RBFOX1: variants seen among roughly 807,000 people sequenced by gnomAD.
The protein encoded by RBFOX1 is RNA binding protein fox-1 homolog 1.
RBFOX1 carries 8 observed loss-of-function variants against 57.7 expected under a neutral mutation model. That is an observed-to-expected ratio of 0.14 (90% CI 0.08 to 0.25). The LOEUF (loss-of-function observed/expected upper bound fraction) is 0.25. Among genes scored for constraint, RBFOX1 ranks in the 10% least tolerant of loss-of-function variants. RBFOX1 has a pLI of 1.00. For synonymous variants in RBFOX1, 326 were observed against 222.4 expected, an observed-to-expected ratio of 1.47 and a Z score of -4.15; for missense variants, 611 against 548.5, an observed-to-expected ratio of 1.11 and a Z score of -1.14.
intron 3 of RBFOX1, among the ~76,000 whole-genome samples, chr16:6,887,826 C>G (rs750705152): frequency 1.3e-5 from 2 of 152,022 alleles, no homozygotes; most frequent in African/African-American, 2.4e-5. Flanking sequence ...CCACACCTGG[C>G]TAATTTTTAT....
chr16:6,336,235 G>C (rs1207073532), intron 2 of RBFOX1, among the ~76,000 whole-genome samples: 5 of 103,550 alleles, frequency 4.8e-5, no homozygotes, highest in African/African-American at 1.8e-4. Context: ...GTCTCGCTCT[G>C]TCGCCCAGGC....
intron 2 of RBFOX1, among the ~76,000 whole-genome samples, chr16:6,527,981 C>G (rs1203311217): frequency 6.6e-6 from 1 of 152,178 alleles, no homozygotes; most frequent in Non-Finnish European, 1.5e-5. Context: ...ATTCATGTTT[C>G]ATGCTCTCCT....
chr16:7,051,791 G>T (rs1468553450), intron 3 of RBFOX1, among the ~76,000 whole-genome samples: 1 of 152,086 alleles, frequency 6.6e-6, no homozygotes, highest in African/African-American at 2.4e-5. Context: ...CTCATCCCAG[G>T]CAGATGCTGC....
chr16:5,529,827 C>G (rs1473327922), intron 2 of RBFOX1, among the ~76,000 whole-genome samples: 1 of 152,110 alleles, frequency 6.6e-6, no homozygotes, highest in Non-Finnish European at 1.5e-5. Context: ...CTCAGATTCC[C>G]AAAGTGCTGG....
chr16:6,500,529 A>G (rs988736225), intron 2 of RBFOX1, among the ~76,000 whole-genome samples: 1 of 152,214 alleles, frequency 6.6e-6, no homozygotes, highest in Non-Finnish European at 1.5e-5. Flanking sequence ...TGATTAAGTC[A>G]TCTCAGGAAT....
chr16:7,067,455 T>G (rs2056341553), intron 4 of RBFOX1, among the ~76,000 whole-genome samples: 1 of 152,060 alleles, frequency 6.6e-6, no homozygotes, highest in Non-Finnish European at 1.5e-5. Flanking sequence ...CCTTTTTTTT[T>G]TTTTTATCAT....
chr16:6,575,173 G>C lies in RBFOX1; in HGVS notation c.-63-79430G>C, dbSNP rs571672107. Among the ~76,000 whole-genome samples, 85 of 152,148 alleles carry C rather than the reference G, an allele frequency of 5.6e-4. 1 individual carries two copies. Among genetic ancestry groups the C allele is most frequent in the Middle Eastern group, 6.8e-3 (2 of 294 alleles). On this transcript the variant is annotated intron_variant, in intron 2 of 15. Transcript: ENST00000550418. ...TGTTTGAAATCTGCCTTTAGAAAAA[G>C]ACACGGCCTCATTTTATGCCTGTGA...
Position 6,886,006 on chromosome 16 carries a change from T to C in RBFOX1, c.-15-166051T>C, listed in dbSNP as rs117987264. ...ATGGACTTGAGAAAAGTGAAAGTTA[T>C]TAACGAGATTTCATGCATCAAGGAT... On this transcript the variant is annotated intron_variant, in intron 3 of 15. Coordinates refer to ENST00000550418, the MANE Select transcript of RBFOX1 (RefSeq NM_018723.4). 6.5e-3 allele frequency among the ~76,000 whole-genome samples: 993 copies of C among 152,248 alleles called. 24 individuals carry two copies. In the East Asian group the frequency reaches 0.066, roughly 10 times the overall value.
chr16:7,570,016 A>G (rs72774923), intron 5 of RBFOX1, among the ~76,000 whole-genome samples: 1 of 152,306 alleles, frequency 6.6e-6, no homozygotes, highest in Non-Finnish European at 1.5e-5. Flanking sequence ...TCCAATGACA[A>G]TTCAGTTTCC....
At position 7,368,779 on chromosome 16, in the gene RBFOX1, CAAA is replaced by C. The variant is rs5815399; in HGVS notation, c.28-149353_28-149351del. ...TGGGTGACAGAGCGAGACTCTGTCT[CAAA>C]AAAAAAAAAAAAAATAAAAATAATT... On this transcript the variant is annotated intron_variant, in intron 4 of 15. Transcript: ENST00000550418. 2.3e-3 allele frequency among the ~76,000 whole-genome samples: 290 copies of C among 127,262 alleles called. 1 individual carries two copies. The highest frequency in any genetic ancestry group is 3.9e-3 in the Middle Eastern group (1 of 256). The allele number at this position is 127,262 out of a possible 152,430, so 83.5% of individuals were successfully genotyped here.
At chr16:6,889,335 G>A (rs1277539017) in intron 3 of RBFOX1, among the ~76,000 whole-genome samples, 2 of 152,134 alleles carry the variant, frequency 1.3e-5, no homozygotes, top group Non-Finnish European at 2.9e-5. Context: ...GAAAATTTAC[G>A]AGTATGCATG....
At chr16:7,602,431 C>T (rs898567706) in intron 9 of RBFOX1, among the ~76,000 whole-genome samples, 7 of 152,156 alleles carry the variant, frequency 4.6e-5, no homozygotes, top group African/African-American at 1.7e-4. Flanking sequence ...CAGCCATTCT[C>T]CTTTTGTTGT....
chr16:6,194,229 T>C (rs1052290644), intron 1 of RBFOX1, among the ~76,000 whole-genome samples: 2 of 152,084 alleles, frequency 1.3e-5, no homozygotes, highest in Non-Finnish European at 2.9e-5. Context: ...CTGCATTACC[T>C]CCTGAAGAGC....
intron 1 of RBFOX1, among the ~76,000 whole-genome samples, chr16:6,217,939 C>T (rs377442380): frequency 6.6e-6 from 1 of 152,116 alleles, no homozygotes; most frequent in African/African-American, 2.4e-5. Flanking sequence ...TCACTTAAAC[C>T]GGGGAGGTGG....
At chr16:7,198,298 C>T (rs2087327045) in intron 4 of RBFOX1, among the ~76,000 whole-genome samples, 1 of 152,202 alleles carries the variant, frequency 6.6e-6, no homozygotes, top group African/African-American at 2.4e-5. Flanking sequence ...AGCCACCGCA[C>T]ATGGCCAATA....
At chr16:6,506,914 C>G (rs2096113460) in intron 2 of RBFOX1, among the ~76,000 whole-genome samples, 2 of 152,130 alleles carry the variant, frequency 1.3e-5, no homozygotes, top group Non-Finnish European at 2.9e-5. Flanking sequence ...TCCCAAAGTG[C>G]TGGGGTTACA....
chr16:7,002,180 A>G (rs1025488697), intron 3 of RBFOX1, among the ~76,000 whole-genome samples: 1 of 152,154 alleles, frequency 6.6e-6, no homozygotes. Context: ...GTGTACTGAC[A>G]TGCAATCTAA....
At chr16:7,102,560 A>G (rs1290066369) in intron 4 of RBFOX1, among the ~76,000 whole-genome samples, 2 of 152,166 alleles carry the variant, frequency 1.3e-5, no homozygotes, top group East Asian at 1.9e-4. Context: ...TGCGGCTTGG[A>G]TATGGATCAT....
chr16:7,462,597 T>G (rs1039281968), intron 4 of RBFOX1, among the ~76,000 whole-genome samples: 2 of 152,230 alleles, frequency 1.3e-5, no homozygotes, highest in South Asian at 2.1e-4. Context: ...TGTTTAGAGA[T>G]TCACAAGACG....
Sources: allele counts gnomAD v4.1 joint callset (sites outside exome capture counted in the v4.1 genomes callset), GRCh38; gene constraint gnomAD v4.1.1; transcripts MANE v1.5; gene names NCBI Gene and HGNC (gene_info 2026-07-23, HGNC 2026-07-21).